The following RICTOR variants were observed in gnomAD, a reference collection of about 807,000 sequenced individuals.
The protein encoded by RICTOR is RPTOR independent companion of MTOR complex 2.
Under a neutral mutation model 214.9 loss-of-function variants are expected in RICTOR, and 49 were observed. That is an observed-to-expected ratio of 0.23 (90% CI 0.18 to 0.29). RICTOR has a LOEUF of 0.29. Ranked by LOEUF, RICTOR falls within the 10% of genes least tolerant of loss-of-function variation. The pLI, the probability that RICTOR is intolerant of heterozygous loss-of-function variation, is 1.00. For missense variants in RICTOR, 1,625 were observed against 2,047.0 expected, an observed-to-expected ratio of 0.79 and a Z score of 3.98; for synonymous variants, 717 against 711.3, an observed-to-expected ratio of 1.01 and a Z score of -0.13.
In RICTOR at chr5:38,990,704, G is replaced by GATATATCATATATATGATATATATCATAT. The variant is rs370197935; in HGVS notation, c.583+244_583+245insATATGATATATATCATATATATGATATAT. 1.8e-3 allele frequency among the ~76,000 whole-genome samples: 80 copies of GATATATCATATATATGATATATATCATAT among 45,268 alleles called. 14 individuals are homozygous for GATATATCATATATATGATATATATCATAT. The highest frequency in any genetic ancestry group is 5.8e-3 in the African/African-American group (77 of 13,166). 29.7% of individuals were successfully genotyped at this position (45,268 alleles called of 152,430 possible). ...TATATCATATATATGATATATATCA[G>GATATATCATATATATGATATATATCATAT]ATATGATATATATGATATATATCAT... On this transcript the variant is annotated intron_variant, in intron 7 of 37. Transcript: ENST00000357387.
chr5:38,999,156 G>A (rs2150098384), intron 5 of RICTOR, among the ~76,000 whole-genome samples: 1 of 150,124 alleles, frequency 6.7e-6, no homozygotes, highest in Admixed American at 6.7e-5. Flanking sequence ...TAGAAACTAA[G>A]CACACTGAAA....
At chr5:39,004,844 C>T (rs1753921170) in intron 3 of RICTOR, among the ~76,000 whole-genome samples, 1 of 134,590 alleles carries the variant, frequency 7.4e-6, no homozygotes, top group African/African-American at 2.8e-5. Context: ...CGCAATGGTG[C>T]AATCTCAGCT....
intron 7 of RICTOR, among the ~76,000 whole-genome samples, chr5:38,990,560 A>C (rs1752542577): frequency 7.4e-6 from 1 of 135,288 alleles, no homozygotes; most frequent in Non-Finnish European, 1.6e-5. Flanking sequence ...TATACACGAT[A>C]TATACACGAT....
At chr5:39,044,924 T>C (rs558474269) in intron 2 of RICTOR, among the ~76,000 whole-genome samples, 1 of 152,342 alleles carries the variant, frequency 6.6e-6, no homozygotes, top group East Asian at 1.9e-4. Flanking sequence ...CCTTACCTAA[T>C]CTTTTAATCA....
chr5:38,953,739 A>T (rs189025738), intron 27 of RICTOR, among the ~76,000 whole-genome samples, 186 bp from the exon 28 acceptor site: 3 of 151,850 alleles, frequency 2.0e-5, no homozygotes, highest in African/African-American at 7.2e-5. Flanking sequence ...ACATTCTAGA[A>T]TTATCACTTA....
rs1193309184 is a variant in RICTOR at position 38,966,691 on chromosome 5, C to T, written c.1249G>A (p.Asp417Asn). Residue 417 changes from aspartate to asparagine, a missense_variant, in exon 15 of 38, where the codon GAT becomes AAT. This residue lies in a region of RICTOR where 1,214 missense variants were observed against 1,470.5 expected (regional missense o/e 0.83). Coordinates refer to ENST00000357387, the MANE Select transcript of RICTOR (RefSeq NM_152756.5). ...GLVEVITNSD[D>N]HISVRATILL... Reference sequence around the variant, plus strand: ...ATGGTAGCTCTAACTGAGATATGATCATCACTGTTTGTTATCACTTCAACT... The same window carrying T: ...ATGGTAGCTCTAACTGAGATATGATTATCACTGTTTGTTATCACTTCAACT... 1 of 1,595,848 alleles carries T rather than the reference C, an allele frequency of 6.3e-7. No homozygotes were observed. The highest frequency in any genetic ancestry group is 8.6e-7 in the Non-Finnish European group (1 of 1,165,818).
chr5:38,982,993 T>C (rs1453124080), intron 7 of RICTOR, among the ~76,000 whole-genome samples: 1 of 152,136 alleles, frequency 6.6e-6, no homozygotes, highest in Admixed American at 6.5e-5. Context: ...CATAATTACA[T>C]TTAGTAAAAT....
intron 3 of RICTOR, among the ~76,000 whole-genome samples, chr5:39,018,673 C>G (rs1755154603): frequency 6.6e-6 from 1 of 152,060 alleles, no homozygotes; most frequent in African/African-American, 2.4e-5. Flanking sequence ...AATGTGTGTT[C>G]CAATTCCTCC....
At chr5:39,033,181 T>C (rs1756394379) in intron 2 of RICTOR, among the ~76,000 whole-genome samples, 1 of 152,146 alleles carries the variant, frequency 6.6e-6, no homozygotes, top group Non-Finnish European at 1.5e-5. Flanking sequence ...CTGTTTTTCT[T>C]AGGACTACAT....
intron 3 of RICTOR, among the ~76,000 whole-genome samples, chr5:39,019,930 T>C (rs543095415): frequency 1.3e-5 from 2 of 152,248 alleles, no homozygotes; most frequent in African/African-American, 4.8e-5. Flanking sequence ...GAAATCAAAA[T>C]CTCAACACTA....
chr5:38,964,849 C>T lies in RICTOR; in HGVS notation c.1343G>A (p.Cys448Tyr), dbSNP rs1394109586. 6.2e-7 allele frequency: 1 copy of T among 1,608,668 alleles called. No individual in the cohort carries two copies. The highest frequency in any genetic ancestry group is 1.7e-5 in the Admixed American group (1 of 59,686). Residue 448 changes from cysteine to tyrosine, a missense_variant, in exon 16 of 38, where the codon TGC becomes TAC. By Grantham distance (194) the Cys-to-Tyr change is radical. This residue lies in a region of RICTOR where 1,214 missense variants were observed against 1,470.5 expected (regional missense o/e 0.83). Coordinates refer to ENST00000357387, the MANE Select transcript of RICTOR (RefSeq NM_152756.5). The stretch of plus-strand genomic sequence containing the variant: ...AGCCATATTCATTAGGGTTGGCAAG[C>T]AGTGTAAATGATGGCTATGTGAATG... ...LPHSHSHHLH[C>Y]LPTLMNMAAS...
intron 25 of RICTOR, among the ~76,000 whole-genome samples, chr5:38,957,130 AG>A (rs1749326518): frequency 6.6e-6 from 1 of 152,180 alleles, no homozygotes; most frequent in Admixed American, 6.5e-5. Context: ...AAGCTAGAAA[AG>A]TTGTTTCATA....
intron 3 of RICTOR, among the ~76,000 whole-genome samples, chr5:39,017,709 T>C (rs1292365808): frequency 1.3e-5 from 2 of 152,124 alleles, no homozygotes; most frequent in Non-Finnish European, 2.9e-5. Flanking sequence ...CAATACTACA[T>C]AAAAAATTGT....
In RICTOR at chr5:39,038,786, A is replaced by G. The variant is rs1449310088; in HGVS notation, c.98-17650T>C. ...GATGTGAAGGACCTCTTCAAGGAGA[A>G]CTACAAACCACTGCTCAATGAAATA... On this transcript the variant is annotated intron_variant, in intron 2 of 37. Coordinates refer to ENST00000357387, the MANE Select transcript of RICTOR (RefSeq NM_152756.5). 6.6e-5 allele frequency among the ~76,000 whole-genome samples: 10 copies of G among 152,320 alleles called. No individual in the cohort carries two copies. The East Asian group carries it at 1.5e-3, about 23-fold the overall frequency.
At position 39,007,788 on chromosome 5, in the gene RICTOR, T is replaced by C. The variant is rs557475260; in HGVS notation, c.196-4166A>G. The stretch of plus-strand genomic sequence containing the variant: ...AATATTATTGTATATTATTTTATTA[T>C]TGTAAATATTTCAGAAAATAGTTTT... On this transcript the variant is annotated intron_variant, in intron 3 of 37. Coordinates refer to ENST00000357387, the MANE Select transcript of RICTOR (RefSeq NM_152756.5). 3.3e-5 allele frequency among the ~76,000 whole-genome samples: 5 copies of C among 151,072 alleles called. No homozygotes were observed. In the South Asian group the frequency reaches 1.0e-3, roughly 31 times the overall value.
At position 38,938,664 on chromosome 5, in the gene RICTOR, C is replaced by A. The variant is rs1579832740; in HGVS notation, c.*3640G>T. On this transcript the variant is annotated 3_prime_UTR_variant, in exon 38 of 38. Coordinates refer to ENST00000357387, the MANE Select transcript of RICTOR (RefSeq NM_152756.5). ...ATGAAAAATACCCTGGAACTTGGAA[C>A]TAAAAGAAGAAAAGAATGCTCCTAG... is the stretch of plus-strand genomic sequence containing the variant. 1 of 232,612 alleles carries A rather than the reference C, an allele frequency of 4.3e-6. No individual in the cohort carries two copies. The highest frequency in any genetic ancestry group is 8.5e-6 in the Non-Finnish European group (1 of 117,684). 14.4% of individuals were successfully genotyped at this position (232,612 alleles called of 1,614,324 possible).
At chr5:39,032,084 C>G (rs1756317255) in intron 2 of RICTOR, among the ~76,000 whole-genome samples, 3 of 152,124 alleles carry the variant, frequency 2.0e-5, no homozygotes. Context: ...CTTCTGAGGG[C>G]CTCTAGTTTA....
chr5:38,964,715 T>C lies in RICTOR; in HGVS notation c.1400+77A>G, dbSNP rs1298031099. 5 of 724,350 alleles carry C rather than the reference T, an allele frequency of 6.9e-6. No individual in the cohort carries two copies. In the African/African-American group the frequency reaches 7.4e-5, roughly 11 times the overall value. 44.9% of individuals were successfully genotyped at this position (724,350 alleles called of 1,614,324 possible). A position where few individuals can be genotyped will look rare whatever the true frequency, so the allele number is the denominator to read the frequency against. On this transcript the variant is annotated intron_variant, in intron 16 of 37. Coordinates refer to ENST00000357387, the MANE Select transcript of RICTOR (RefSeq NM_152756.5). Reference sequence around the variant, plus strand: ...ACCATAACCTATCCATACTATTTTTTTTAAAAAGAAGAGACAATAATCTAA... The same window carrying C: ...ACCATAACCTATCCATACTATTTTTCTTAAAAAGAAGAGACAATAATCTAA...
At chr5:39,063,114 TA>T (rs1487816852) in intron 2 of RICTOR, among the ~76,000 whole-genome samples, 1 of 152,072 alleles carries the variant, frequency 6.6e-6, no homozygotes, top group East Asian at 1.9e-4. Flanking sequence ...CTCCCTCCAT[TA>T]AACAGTATTA....
Sources: gnomAD v4.1 joint callset for allele counts (sites outside exome capture counted in the v4.1 genomes callset) on GRCh38, gnomAD v4.1.1 for gene constraint, gnomAD v4.1.1 regional missense constraint, MANE v1.5 for transcripts, NCBI Gene and HGNC (gene_info 2026-07-23, HGNC 2026-07-21) for gene names.